DPY19L1: variants seen among roughly 807,000 people sequenced by gnomAD.
DPY19L1 encodes the protein protein C-mannosyl-transferase DPY19L1.
In DPY19L1, 35 loss-of-function variants were observed where a neutral mutation model predicts 96.9. That is an observed-to-expected ratio of 0.36 (90% CI 0.28 to 0.48). DPY19L1 has a LOEUF of 0.48. Among genes scored for constraint, DPY19L1 ranks in the 20% least tolerant of loss-of-function variants. DPY19L1 has a pLI of 0.99. For synonymous variants in DPY19L1, 205 were observed against 252.6 expected (o/e 0.81, Z 1.79); for missense variants, 521 against 777.9 (o/e 0.67, Z 3.93).
chr7:35,015,959 T>G (rs954538395), intron 3 of DPY19L1, among the ~76,000 whole-genome samples: 3 of 152,218 alleles, frequency 2.0e-5, no homozygotes, highest in Non-Finnish European at 4.4e-5. Context: ...AATCAATAAT[T>G]TGAAACCAAG....
rs191783844 is a variant in DPY19L1 at position 34,978,396 on chromosome 7, A to G, written c.823-4791T>C. Among the ~76,000 whole-genome samples, 6 of 152,270 alleles carry G rather than the reference A, an allele frequency of 3.9e-5. No individual in the cohort carries two copies. In the East Asian group the frequency reaches 5.8e-4, roughly 15 times the overall value. On this transcript the variant is annotated intron_variant, in intron 7 of 21. Coordinates refer to ENST00000638088, the MANE Select transcript of DPY19L1 (RefSeq NM_001366673.1). ...TAACTATAATAATGCTTTAAACACT[A>G]TATTTATGAGTGCTTCCTTAAAAGA...
chr7:34,988,140 A>C (rs1264037743), intron 7 of DPY19L1: 2 of 152,156 alleles, frequency 1.3e-5, no homozygotes, highest in Non-Finnish European at 2.9e-5. Flanking sequence ...TGAGTATCAA[A>C]ATTATAAGAA....
chr7:34,996,710 C>T (rs1190043316), intron 6 of DPY19L1, among the ~76,000 whole-genome samples: 2 of 152,092 alleles, frequency 1.3e-5, no homozygotes, highest in Non-Finnish European at 2.9e-5. Context: ...AATGGCATCC[C>T]TGCCCACAAG....
intron 10 of DPY19L1, among the ~76,000 whole-genome samples, chr7:34,961,320 T>C (rs1397294021): frequency 6.6e-6 from 1 of 152,072 alleles, no homozygotes; most frequent in Non-Finnish European, 1.5e-5. Flanking sequence ...GGGAACAAAA[T>C]ACAGAGCCCA....
Position 34,989,905 on chromosome 7 carries a change from G to C in DPY19L1, c.801C>G (p.Cys267Trp). Residue 267 changes from cysteine (C) to tryptophan (W), a missense_variant, in exon 7 of 22, where the codon TGC (cysteine) becomes TGG (tryptophan). Physicochemically the swap from Cys to Trp is radical, Grantham distance 215. Coordinates refer to ENST00000638088, the MANE Select transcript of DPY19L1 (RefSeq NM_001366673.1). ...CTACCTCTCCATGATTGAAAAAGAAGCACAACACTGTAACCAGGCCTCCTA... is the reference window on the plus strand; with the variant it reads ...CTACCTCTCCATGATTGAAAAAGAACCACAACACTGTAACCAGGCCTCCTA... ...SRLGGLVTVL[C>W]FFFNHGECTR... 6.2e-7 allele frequency: 1 copy of C among 1,606,922 alleles called. No homozygotes were observed. Among genetic ancestry groups the C allele is most frequent in the Non-Finnish European group, 8.5e-7 (1 of 1,177,676 alleles).
At chr7:35,036,188 A>G (rs1382488558) in intron 1 of DPY19L1, among the ~76,000 whole-genome samples, 1 of 152,214 alleles carries the variant, frequency 6.6e-6, no homozygotes, top group Admixed American at 6.5e-5. Flanking sequence ...TGAGTCACCA[A>G]GGGAATCTGA....
chr7:35,013,779 G>A, intron 3 of DPY19L1, 74 bp from the exon 4 acceptor site: 1 of 1,239,728 alleles, frequency 8.1e-7, no homozygotes, highest in Non-Finnish European at 1.1e-6. Context: ...TAAATACACT[G>A]TTTTTGAAAA....
intron 14 of DPY19L1, 88 bp downstream of exon 14, chr7:34,949,709 C>G (rs1784230586): frequency 5.0e-6 from 4 of 803,710 alleles, no homozygotes; most frequent in Admixed American, 2.7e-5. Context: ...GATAACAGCA[C>G]ATAAAGAGTC....
intron 6 of DPY19L1, among the ~76,000 whole-genome samples, chr7:35,004,446 C>T (rs1785504640): frequency 6.6e-6 from 1 of 151,956 alleles, no homozygotes; most frequent in African/African-American, 2.4e-5. Context: ...AAACATTGGT[C>T]CAAAAGTTAG....
At position 34,978,798 on chromosome 7, in the gene DPY19L1, C is replaced by CA. The variant is rs544838570; in HGVS notation, c.823-5194dup. 9.2e-5 allele frequency among the ~76,000 whole-genome samples: 14 copies of CA among 151,998 alleles called. No individual in the cohort carries two copies. In the East Asian group the frequency reaches 2.3e-3, roughly 25 times the overall value. The stretch of plus-strand genomic sequence containing the variant: ...AATTACTGATTGAGCATCGCTAATC[C>CA]AAAAAACCAAAATCTGAAATGCTCC... On this transcript the variant is annotated intron_variant, in intron 7 of 21. Coordinates refer to ENST00000638088, the MANE Select transcript of DPY19L1 (RefSeq NM_001366673.1).
chr7:35,018,903 C>T (rs1785924385), intron 1 of DPY19L1, among the ~76,000 whole-genome samples: 1 of 151,992 alleles, frequency 6.6e-6, no homozygotes, highest in Admixed American at 6.6e-5. Flanking sequence ...ATGGAATCAA[C>T]AGGTAAGGAT....
chr7:35,012,564 A>T (rs182914349), intron 4 of DPY19L1, among the ~76,000 whole-genome samples: 1 of 152,216 alleles, frequency 6.6e-6, no homozygotes, highest in African/African-American at 2.4e-5. Context: ...CACACAATAC[A>T]TTTTCAAAAA....
chr7:34,953,878 GCC>G (rs1784319119), intron 13 of DPY19L1, among the ~76,000 whole-genome samples: 1 of 152,064 alleles, frequency 6.6e-6, no homozygotes, highest in Non-Finnish European at 1.5e-5. Flanking sequence ...AGGTTAAACT[GCC>G]CTGGGTAAAA....
At chr7:34,945,347 T>G (rs568016786) in intron 16 of DPY19L1, among the ~76,000 whole-genome samples, 1 of 152,310 alleles carries the variant, frequency 6.6e-6, no homozygotes, top group South Asian at 2.1e-4. Context: ...AAAAAGGCAG[T>G]CCACTGGTCC....
In DPY19L1 at chr7:34,931,503, A is replaced by C. The variant is rs966526646; in HGVS notation, c.*70T>G. ...TATAAAAGTTTTTGGGATATGAACAACACATGACTTAGCAAAACATTAAAA... is the reference window on the plus strand; with the variant it reads ...TATAAAAGTTTTTGGGATATGAACACCACATGACTTAGCAAAACATTAAAA... On this transcript the variant is annotated 3_prime_UTR_variant, in exon 22 of 22. Transcript: ENST00000638088. The C allele has an allele frequency of 3.0e-4, 433 of 1,425,896 alleles. No homozygotes were observed. The highest frequency in any genetic ancestry group is 3.6e-4 in the Non-Finnish European group (389 of 1,086,658). The allele number at this position is 1,425,896 out of a possible 1,614,324, so 88.3% of individuals were successfully genotyped here.
chr7:35,037,997 G>A, upstream of DPY19L1: 4 of 1,016,098 alleles, frequency 3.9e-6, no homozygotes, highest in Non-Finnish European at 5.0e-6. Flanking sequence ...GCGCAGGCGA[G>A]ACGCGGCGGG....
chr7:35,023,251 C>G (rs1339043177), intron 1 of DPY19L1, among the ~76,000 whole-genome samples: 1 of 152,198 alleles, frequency 6.6e-6, no homozygotes, highest in Admixed American at 6.5e-5. Flanking sequence ...CCTTCCTAGA[C>G]GCCGTCCTGA....
intron 6 of DPY19L1, among the ~76,000 whole-genome samples, chr7:35,004,000 C>T (rs1400052890): frequency 6.6e-6 from 1 of 152,256 alleles, no homozygotes; most frequent in Admixed American, 6.5e-5. Flanking sequence ...CTGACTCAGA[C>T]TCTGCACTCT....
intron 16 of DPY19L1, among the ~76,000 whole-genome samples, chr7:34,945,145 G>C (rs905026226): frequency 9.9e-5 from 15 of 152,120 alleles, no homozygotes; most frequent in African/African-American, 3.4e-4. Context: ...TGGTAAGAGA[G>C]TAAGACAAAG....
Sources: allele counts gnomAD v4.1 joint callset (sites outside exome capture counted in the v4.1 genomes callset), GRCh38; gene constraint gnomAD v4.1.1; transcripts MANE v1.5; gene names NCBI Gene and HGNC (gene_info 2026-07-23, HGNC 2026-07-21).